The following POLA1 variants were observed in gnomAD, a reference collection of about 807,000 sequenced individuals.
POLA1 encodes the protein DNA polymerase alpha 1, catalytic subunit, also known as DNA polymerase alpha catalytic subunit.
In POLA1, 15 loss-of-function variants were observed where a neutral mutation model predicts 124.0. The observed-to-expected ratio is 0.12, with a 90% CI of 0.08 to 0.19. The LOEUF (loss-of-function observed/expected upper bound fraction) is 0.19, where lower values mean the gene tolerates loss of function less well. Among genes scored for constraint, POLA1 ranks in the 10% least tolerant of loss-of-function variants. POLA1 has a pLI of 1.00. For synonymous variants in POLA1, 408 were observed against 389.4 expected, an observed-to-expected ratio of 1.05 and a Z score of -0.56; for missense variants, 886 against 1,103.4, an observed-to-expected ratio of 0.80 and a Z score of 2.79.
In POLA1 at chrX:24,790,917, A is replaced by ATATATATATG. The variant is rs1555991314; in HGVS notation, c.2965-18972_2965-18971insGTATATATAT. Among the ~76,000 whole-genome samples, 26 of 99,275 alleles carry ATATATATATG rather than the reference A, an allele frequency of 2.6e-4. 1 individual carries two copies. Among genetic ancestry groups the ATATATATATG allele is most frequent in the African/African-American group, 9.2e-4 (24 of 26,022 alleles). The allele number at this position is 99,275 out of a possible 115,157, so 86.2% of individuals were successfully genotyped here. A position where few individuals can be genotyped will look rare whatever the true frequency, so the allele number is the denominator to read the frequency against. On this transcript the variant is annotated intron_variant, in intron 26 of 36. Transcript: ENST00000379068. ...CTCATTTATTTATGTATATGTATAT[A>ATATATATATG]TATATATATATATATATATATATAA...
intron 26 of POLA1, among the ~76,000 whole-genome samples, chrX:24,785,931 C>T (rs2045352235): frequency 8.9e-6 from 1 of 112,458 alleles, no homozygotes; most frequent in South Asian, 3.7e-4. Context: ...TTTTTAGATT[C>T]CACATATAAG....
At chrX:24,876,680 TC>T (rs1340849965) in intron 34 of POLA1, among the ~76,000 whole-genome samples, 2 of 2,538 alleles carry the variant, frequency 7.9e-4, no homozygotes, top group Non-Finnish European at 1.5e-3. Flanking sequence ...TTGTCTGGGG[TC>T]GGGGGGGGGG....
chrX:24,782,730 A>G (rs1368217692), intron 26 of POLA1, among the ~76,000 whole-genome samples: 1 of 111,456 alleles, frequency 9.0e-6, no homozygotes, highest in Non-Finnish European at 1.9e-5. Context: ...TGGTAATGGA[A>G]GATTTGACTT....
At chrX:24,983,017 A>G (rs1055324718) in intron 36 of POLA1, among the ~76,000 whole-genome samples, 4 of 112,434 alleles carry the variant, frequency 3.6e-5, no homozygotes, top group Non-Finnish European at 7.5e-5. Flanking sequence ...ACTGTATTGC[A>G]TTAATAATAA....
rs769347895 is a variant in POLA1, at chrX:24,727,865, A to G, written c.1615A>G (p.Ser539Gly). 14 of 1,206,920 alleles carry G rather than the reference A, an allele frequency of 1.2e-5. No homozygotes were observed. The Admixed American group carries it at 1.7e-4, about 15-fold the overall frequency. Residue 539 changes from serine (S) to glycine (G), a missense_variant, in exon 15 of 37, where the codon AGT (serine) becomes GGT (glycine). Physicochemically the swap from Ser to Gly is moderately conservative, Grantham distance 56 (BLOSUM62 0). Transcript: ENST00000379068. ...CCTGGTGAATGTAATTAAGGATGTC[A>G]GTCCACCACCGCTTGTCGTGATGGC... ...PDLVNVIKDV[S>G]PPPLVVMAFS...
chrX:24,930,666 C>T lies in POLA1; in HGVS notation c.4261+117C>T, dbSNP rs752443696. ...TCACATTGCTGTCTCAGAAGCAGGC[C>T]GTGGGGGCCTATGTGAACACAGGGA... On this transcript the variant is annotated intron_variant, in intron 36 of 36. Coordinates refer to ENST00000379068, the MANE Select transcript of POLA1 (RefSeq NM_001330360.2). 7.2e-5 allele frequency: 37 copies of T among 512,965 alleles called. No individual in the cohort carries two copies. In the African/African-American group the frequency reaches 7.4e-4, roughly 10 times the overall value. The allele number at this position is 512,965 out of a possible 1,213,427, so 42.3% of individuals were successfully genotyped here.
chrX:24,693,987 G>A lies in POLA1; in HGVS notation c.26G>A (p.Cys9Tyr). 8.4e-7 allele frequency: 1 copy of A among 1,191,738 alleles called. No homozygotes were observed. Among genetic ancestry groups the A allele is most frequent in the African/African-American group, 1.7e-5 (1 of 57,455 alleles). The change falls in exon 1 of 37, where the codon TGT (cysteine) becomes TAT (tyrosine). Residue 9 changes from cysteine (C) to tyrosine (Y), a missense_variant. Cys to Tyr is a radical substitution (Grantham distance 194). Transcript: ENST00000379068. The stretch of plus-strand genomic sequence containing the variant: ...ATGGCACCTGTGCACGGCGACGACT[G>A]TGAGATAGGGGCGAGTGGTGAGGGA... Reference protein sequence around the residue: MAPVHGDDCEIGASALSDS... With the variant: MAPVHGDDYEIGASALSDS...
At chrX:24,742,800 G>A (rs191310119) in intron 22 of POLA1, among the ~76,000 whole-genome samples, 1 of 111,634 alleles carries the variant, frequency 9.0e-6, no homozygotes, top group African/African-American at 3.3e-5. Context: ...TTGTTTTATG[G>A]TGTCCATATT....
intron 34 of POLA1, among the ~76,000 whole-genome samples, chrX:24,852,647 T>C (rs2046580737): frequency 8.9e-6 from 1 of 112,101 alleles, no homozygotes; most frequent in Non-Finnish European, 1.9e-5. Context: ...GTATAACTTT[T>C]TGTCTTGGTT....
intron 26 of POLA1, among the ~76,000 whole-genome samples, chrX:24,762,066 C>A (rs1932805924): frequency 8.9e-6 from 1 of 112,235 alleles, no homozygotes; most frequent in Admixed American, 9.4e-5. Flanking sequence ...TTGAGCAAGT[C>A]ATCCATTCTG....
intron 35 of POLA1, among the ~76,000 whole-genome samples, chrX:24,918,920 T>TAGGG (rs1480505701): frequency 9.0e-6 from 1 of 111,535 alleles, no homozygotes; most frequent in Non-Finnish European, 1.9e-5. Context: ...CTCCTTCCCT[T>TAGGG]AGGGAGGGCA....
chrX:24,809,363 C>T (rs965778008), intron 26 of POLA1, among the ~76,000 whole-genome samples: 4 of 111,730 alleles, frequency 3.6e-5, no homozygotes, highest in African/African-American at 6.5e-5. Context: ...CAGATATCCA[C>T]GTTCGTCTTA....
chrX:24,732,697 A>G (rs1213033675), intron 16 of POLA1, among the ~76,000 whole-genome samples: 1 of 88,833 alleles, frequency 1.1e-5, no homozygotes, highest in Non-Finnish European at 2.2e-5. Flanking sequence ...TCTGGAGTCT[A>G]TTTGACATCT....
intron 4 of POLA1, among the ~76,000 whole-genome samples, chrX:24,711,566 A>G (rs1466908611): frequency 8.9e-6 from 1 of 111,998 alleles, no homozygotes; most frequent in Non-Finnish European, 1.9e-5. Flanking sequence ...AAATTCCCAG[A>G]AGTGGGATTG....
chrX:24,743,983 C>T (rs142957270), intron 23 of POLA1, among the ~76,000 whole-genome samples: 4,216 of 107,899 alleles, frequency 0.039, 219 homozygotes, highest in African/African-American at 0.13. Flanking sequence ...ACCTTCACCT[C>T]TTGGGTTCAA....
intron 17 of POLA1, among the ~76,000 whole-genome samples, chrX:24,735,178 T>C (rs1931194625): frequency 8.9e-6 from 1 of 112,230 alleles, no homozygotes; most frequent in African/African-American, 3.2e-5. Flanking sequence ...ACTTAAAATA[T>C]TTTGCTTTAT....
intron 36 of POLA1, among the ~76,000 whole-genome samples, chrX:24,976,289 G>A (rs963651761): frequency 8.9e-6 from 1 of 111,766 alleles, no homozygotes; most frequent in African/African-American, 3.3e-5. Flanking sequence ...AGCTCAAATC[G>A]GAGTGTTTGA....
chrX:24,995,264 C>G (rs1423016681), intron 36 of POLA1, among the ~76,000 whole-genome samples: 1 of 111,002 alleles, frequency 9.0e-6, no homozygotes, highest in Non-Finnish European at 1.9e-5. Context: ...CATGGACAGA[C>G]AGGTGCCCTC....
intron 16 of POLA1, 128 bp from the exon 17 acceptor site, chrX:24,733,627 C>G (rs1931074611): frequency 2.8e-6 from 1 of 360,371 alleles, no homozygotes; most frequent in South Asian, 8.2e-5. Flanking sequence ...TATTTGATGA[C>G]CCTCCTAATT....
Sources: gnomAD v4.1 joint callset for allele counts (sites outside exome capture counted in the v4.1 genomes callset) on GRCh38, gnomAD v4.1.1 for gene constraint, MANE v1.5 for transcripts, NCBI Gene and HGNC (gene_info 2026-07-23, HGNC 2026-07-21) for gene names.